The following DOK2 variants were observed in gnomAD, a reference collection of about 807,000 sequenced individuals.
DOK2 encodes the protein docking protein 2, 56kD.
DOK2 carries 28 observed loss-of-function variants against 26.0 expected under a neutral mutation model. That is an observed-to-expected ratio of 1.08 (90% confidence interval 0.80 to 1.48). DOK2 has a LOEUF of 1.48. Among genes scored for constraint, DOK2 ranks in the 40% most tolerant of loss-of-function variants. DOK2 has a pLI of 0.00. For synonymous variants in DOK2, 282 were observed against 236.9 expected, an observed-to-expected ratio of 1.19 and a Z score of -1.75; for missense variants, 682 against 558.2, an observed-to-expected ratio of 1.22 and a Z score of -2.23.
At position 21,911,959 on chromosome 8, in the gene DOK2, C is replaced by T. The variant is rs1465419229; in HGVS notation, c.375G>A (p.Glu125=). 4 of 1,558,638 alleles carry T rather than the reference C, an allele frequency of 2.6e-6. No homozygotes were observed. The highest frequency in any genetic ancestry group is 3.5e-6 in the Non-Finnish European group (4 of 1,151,234). Residue 125 remains glutamate (E), a synonymous_variant, in exon 3 of 5, where the codon GAG becomes GAA. Transcript: ENST00000276420. The stretch of plus-strand genomic sequence containing the variant: ...CCATGCAGGGCCGGCTCTGCTTTCC[C>T]TCTGGCCCCGAGAGCTCCTTCCTCT... ...PGQRKELSGP[E]GKQSRPCMEE... is the part of the protein sequence containing the mutation.
At chr8:21,913,446 TA>T in intron 1 of DOK2, 92 bp downstream of exon 1, 1 of 1,493,776 alleles carries the variant, frequency 6.7e-7, no homozygotes. Context: ...GTCAGACCTA[TA>T]AGGGTTTTGA....
At position 21,910,869 on chromosome 8, in the gene DOK2, A is replaced by G. The variant is rs757691082; in HGVS notation, c.434-12T>C. 1 of 1,591,734 alleles carries G rather than the reference A, an allele frequency of 6.3e-7. No individual in the cohort carries two copies. Among genetic ancestry groups the G allele is most frequent in the Non-Finnish European group, 8.6e-7 (1 of 1,168,002 alleles). On this transcript the variant is annotated splice_polypyrimidine_tract_variant and intron_variant, in intron 3 of 4. Transcript: ENST00000276420. The stretch of plus-strand genomic sequence containing the variant: ...CTTGTGGGGGCCGACTGGGGAGAAG[A>G]AGAGAGAGAAGGCGAAGGCAGTTAA...
Position 21,909,790 on chromosome 8 carries a change from G to A in DOK2, c.760C>T (p.Gln254Ter). The change falls in exon 5 of 5, where the codon CAA becomes TAA. Residue 254 changes from glutamine to a stop codon, truncating the protein, a stop_gained. Transcript: ENST00000276420. LOFTEE classifies it low-confidence loss of function (END_TRUNC). Reference sequence around the variant, plus strand: ...GCGGGGATTGTGGCTGGCTGCGGTTGGGGTGTAGCGGGTGCAGCATTCTTC... The same window carrying A: ...GCGGGGATTGTGGCTGGCTGCGGTTAGGGTGTAGCGGGTGCAGCATTCTTC... ...AQKNAAPATP[Q>*]PQPATIPASL... is the part of the protein sequence containing the mutation. The A allele has an allele frequency of 6.2e-7, 1 of 1,613,988 alleles. No homozygotes were observed. The highest frequency in any genetic ancestry group is 8.5e-7 in the Non-Finnish European group (1 of 1,180,038).
At chr8:21,913,272 GGCAAGAGATGAAA>G (rs1449844342) in intron 1 of DOK2, among the ~76,000 whole-genome samples, 1 of 152,178 alleles carries the variant, frequency 6.6e-6, no homozygotes, top group African/African-American at 2.4e-5. Flanking sequence ...GAGCAAAAGA[GGCAAGAGATGAAA>G]GCAGCACATC....
chr8:21,909,460 G>T lies in DOK2; in HGVS notation c.1090C>A (p.Arg364=), dbSNP rs202013016. The T allele has an allele frequency of 2.2e-5, 36 of 1,613,372 alleles. No homozygotes were observed. Among genetic ancestry groups the T allele is most frequent in the Non-Finnish European group, 8.5e-7 (1 of 1,179,602 alleles). ...GCCTGCCTCCTCCATGCCTCACCCC[G>T]GGGCTCCTGCGGGCTGTCATAGAGG... The part of the protein sequence containing the change: ...LSLYDSPQEP[R]GEAWRRQATA... The change falls in exon 5 of 5, where the codon CGG becomes AGG. Residue 364 remains arginine (R), a synonymous_variant. Coordinates refer to ENST00000276420, the MANE Select transcript of DOK2 (RefSeq NM_003974.4).
rs570010787 is a variant in DOK2, at chr8:21,909,732, C to T, written c.818G>A (p.Arg273Gln). 4.4e-5 allele frequency: 71 copies of T among 1,613,480 alleles called. No homozygotes were observed. Among genetic ancestry groups the T allele is most frequent in the South Asian group, 6.6e-5 (6 of 91,076 alleles). The change falls in exon 5 of 5, where the codon CGG (arginine) becomes CAG (glutamine). Residue 273 changes from arginine to glutamine, a missense_variant. Physicochemically the swap from Arg to Gln is conservative, Grantham distance 43 (BLOSUM62 1). Transcript: ENST00000276420. ...AGGCGGCGGCAGTGAGTCATGCGGC[C>T]GAGAGTAGGGGCTATCAGGCCGGGG... ...SLPRPDSPYS[R>Q]PHDSLPPPSP...
chr8:21,912,644 G>A (rs1809905606), intron 1 of DOK2, 134 bp from the exon 2 acceptor site: 1 of 820,902 alleles, frequency 1.2e-6, no homozygotes, highest in Non-Finnish European at 1.9e-6. Context: ...GAGAGGTGAA[G>A]ATCACATGAG....
At chr8:21,911,254 G>A (rs59181113) in intron 3 of DOK2, among the ~76,000 whole-genome samples, 14,170 of 152,160 alleles carry the variant, frequency 0.093, 919 homozygotes, top group East Asian at 0.32. Flanking sequence ...GGGGCCCTGG[G>A]GGTGAAGCTT....
chr8:21,912,374 C>T lies in DOK2; in HGVS notation c.200G>A (p.Arg67Gln). ...GGCCTCTCCGCCGGCCTCGGCCACCCGCAGGCAGTCACTGAGGCGGATGAC... is the reference window on the plus strand; with the variant it reads ...GGCCTCTCCGCCGGCCTCGGCCACCTGCAGGCAGTCACTGAGGCGGATGAC... ...RKVIRLSDCLRVAEAGGEASS... is the reference protein window; with the variant it reads ...RKVIRLSDCLQVAEAGGEASS... The change falls in exon 2 of 5, where the codon CGG becomes CAG. Residue 67 changes from arginine (R) to glutamine (Q), a missense_variant. Physicochemically the swap from Arg to Gln is conservative, Grantham distance 43. Transcript: ENST00000276420. 5 of 1,604,924 alleles carry T rather than the reference C, an allele frequency of 3.1e-6. No homozygotes were observed. In the South Asian group the frequency reaches 3.3e-5, roughly 11 times the overall value.
At position 21,912,231 on chromosome 8, in the gene DOK2, G is replaced by A. The variant is rs897844136; in HGVS notation, c.343C>T (p.Pro115Ser). Residue 115 changes from proline to serine, a missense_variant and splice_region_variant, in exon 2 of 5, where the codon CCC (proline) becomes TCC (serine). Physicochemically the swap from Pro to Ser is moderately conservative, Grantham distance 74. Coordinates refer to ENST00000276420, the MANE Select transcript of DOK2 (RefSeq NM_003974.4). ...TTTCCGCACCCCGCGCGACTCACGG[G>A]GAAGGCCAGGAGGCAGATGGCCTGC... Reference protein sequence around the residue: ...WVQAICLLAFPGQRKELSGPE... With the variant: ...WVQAICLLAFSGQRKELSGPE... 1 of 1,559,260 alleles carries A rather than the reference G, an allele frequency of 6.4e-7. No homozygotes were observed. Among genetic ancestry groups the A allele is most frequent in the Admixed American group, 1.9e-5 (1 of 53,786 alleles).
intron 1 of DOK2, among the ~76,000 whole-genome samples, chr8:21,913,105 CAGGCCCCCAG>C (rs1809921255): frequency 6.6e-6 from 1 of 152,142 alleles, no homozygotes; most frequent in Non-Finnish European, 1.5e-5. Flanking sequence ...GGCTGGGGTC[CAGGCCCCCAG>C]AGGCCCCAGC....
Position 21,909,418 on chromosome 8 carries a change from G to A in DOK2, c.1132C>T (p.Pro378Ser), listed in dbSNP as rs755017117. The A allele has an allele frequency of 1.2e-6, 2 of 1,611,980 alleles. No individual in the cohort carries two copies. The highest frequency in any genetic ancestry group is 1.7e-6 in the Non-Finnish European group (2 of 1,178,650). The change falls in exon 5 of 5, where the codon CCT (proline) becomes TCT (serine). Residue 378 changes from proline to serine, a missense_variant. Coordinates refer to ENST00000276420, the MANE Select transcript of DOK2 (RefSeq NM_003974.4). Reference protein sequence around the residue: ...WRRQATADRDPAGLQHVQPAG... With the variant: ...WRRQATADRDSAGLQHVQPAG... ...GGCTGGACATGCTGGAGGCCAGCAG[G>A]GTCCCTGTCAGCTGTCGCCTGCCTC...
chr8:21,912,038 C>G (rs766932253), intron 2 of DOK2, 50 bp from the exon 3 acceptor site: 56 of 1,528,570 alleles, frequency 3.7e-5, no homozygotes, highest in Non-Finnish European at 4.4e-5. Context: ...CCCAGGCCCC[C>G]CTCTGGCCCA....
In DOK2 at chr8:21,910,877, GAA is replaced by G. The variant is rs766207394; in HGVS notation, c.434-22_434-21del. 1.0e-5 allele frequency: 16 copies of G among 1,581,190 alleles called. No individual in the cohort carries two copies. Among genetic ancestry groups the G allele is most frequent in the Non-Finnish European group, 1.2e-5 (14 of 1,163,060 alleles). ...GGCCGACTGGGGAGAAGAAGAGAGA[GAA>G]GGCGAAGGCAGTTAATGGGAAACAG... On this transcript the variant is annotated intron_variant, in intron 3 of 4. Transcript: ENST00000276420.
At chr8:21,910,129 A>G (rs1334249970) in intron 4 of DOK2, among the ~76,000 whole-genome samples, 198 bp from the exon 5 acceptor site, 1 of 151,968 alleles carries the variant, frequency 6.6e-6, no homozygotes, top group African/African-American at 2.4e-5. Context: ...CTACAGGCGC[A>G]TGCCACCACG....
Position 21,911,975 on chromosome 8 carries a change from T to G in DOK2, c.359A>C (p.Glu120Ala). Residue 120 changes from glutamate (E) to alanine (A), a missense_variant, in exon 3 of 5, where the codon GAG (glutamate) becomes GCG (alanine). Coordinates refer to ENST00000276420, the MANE Select transcript of DOK2 (RefSeq NM_003974.4). ...CTGCTTTCCCTCTGGCCCCGAGAGC[T>G]CCTTCCTCTGCCCCTAGGGAGGAGG... Reference protein sequence around the residue: ...CLLAFPGQRKELSGPEGKQSR... With the variant: ...CLLAFPGQRKALSGPEGKQSR... The G allele has an allele frequency of 6.4e-7, 1 of 1,553,460 alleles. No individual in the cohort carries two copies. The highest frequency in any genetic ancestry group is 8.7e-7 in the Non-Finnish European group (1 of 1,148,816).
rs780309486 is a variant in DOK2, at chr8:21,909,970, G to C, written c.619-39C>G. ...AAAGCAGGTTATTGGCCAGGCCACA[G>C]GGCAGGGGTGCATTTTTTTTTTTTT... On this transcript the variant is annotated intron_variant, in intron 4 of 4. Coordinates refer to ENST00000276420, the MANE Select transcript of DOK2 (RefSeq NM_003974.4). 9 of 1,534,796 alleles carry C rather than the reference G, an allele frequency of 5.9e-6. No individual in the cohort carries two copies. The East Asian group carries it at 9.0e-5, about 15-fold the overall frequency.
At chr8:21,912,161 C>A in intron 2 of DOK2, 68 bp downstream of exon 2, 1 of 1,481,504 alleles carries the variant, frequency 6.7e-7, no homozygotes, top group Non-Finnish European at 8.9e-7. Flanking sequence ...TAACACTTGC[C>A]CACAGGAAGT....
In DOK2 at chr8:21,910,766, C is replaced by T. The variant is rs1234240973; in HGVS notation, c.525G>A (p.Gly175=). Residue 175 remains glycine (G), a synonymous_variant, in exon 4 of 5, where the codon GGG becomes GGA. Transcript: ENST00000276420. ...CACCCCACAGCTCCAGGGCACTCTCCCCAGCCCGGAGGGTATAGGACCCCC... is the reference window on the plus strand; with the variant it reads ...CACCCCACAGCTCCAGGGCACTCTCTCCAGCCCGGAGGGTATAGGACCCCC... ...HLRGSYTLRA[G]ESALELWGGP... is the part of the protein sequence containing the mutation. 1 of 1,614,014 alleles carries T rather than the reference C, an allele frequency of 6.2e-7. No homozygotes were observed. The highest frequency in any genetic ancestry group is 8.5e-7 in the Non-Finnish European group (1 of 1,180,016).
Sources: gnomAD v4.1 joint callset for allele counts (sites outside exome capture counted in the v4.1 genomes callset) on GRCh38, gnomAD v4.1.1 for gene constraint, MANE v1.5 for transcripts, NCBI Gene and HGNC (gene_info 2026-07-23, HGNC 2026-07-21) for gene names.